VPS13A: variants seen among roughly 807,000 people sequenced by gnomAD.
VPS13A encodes intermembrane lipid transfer protein VPS13A.
A neutral mutation model predicts 390.9 loss-of-function variants in VPS13A; 264 were observed. That is an observed-to-expected ratio of 0.68 (90% CI 0.61 to 0.75). The LOEUF is 0.75. VPS13A is among the 30% of genes least tolerant of loss of function. The pLI is 0.00. For synonymous variants in VPS13A, 1,231 were observed against 1,227.1 expected (o/e 1.00, Z -0.07); for missense variants, 3,409 against 3,733.9 (o/e 0.91, Z 2.27).
At chr9:77,326,977 A>G (rs956688521) in intron 45 of VPS13A, among the ~76,000 whole-genome samples, 4 of 152,116 alleles carry the variant, frequency 2.6e-5, no homozygotes, top group Non-Finnish European at 5.9e-5. Flanking sequence ...CTCAAGTACA[A>G]CATGCTGTGA....
intron 46 of VPS13A, among the ~76,000 whole-genome samples, chr9:77,333,011 C>T (rs1827341079): frequency 2.0e-5 from 3 of 152,118 alleles, no homozygotes; most frequent in Non-Finnish European, 4.4e-5. Context: ...TTAGTTCAGA[C>T]TTGCTGAGGG....
chr9:77,212,973 C>T lies in VPS13A; in HGVS notation c.560C>T (p.Thr187Ile). 1 of 1,613,810 alleles carries T rather than the reference C, an allele frequency of 6.2e-7. No individual in the cohort carries two copies. Among genetic ancestry groups the T allele is most frequent in the Non-Finnish European group, 8.5e-7 (1 of 1,179,908 alleles). Reference sequence around the variant, plus strand: ...ATTGTTTTTTTTCCTTTTCAGACAACTGATCAATACTGGGTTCCATGTTTA... The same window carrying T: ...ATTGTTTTTTTTCCTTTTCAGACAATTGATCAATACTGGGTTCCATGTTTA... ...ISLQNLSMQT[T>I]DQYWVPCLHD... is the part of the protein sequence containing the mutation. Residue 187 changes from threonine to isoleucine, a missense_variant, in exon 8 of 72, where the codon ACT becomes ATT. Around this residue, in one of 5 missense-constraint regions of VPS13A, gnomAD observed 2,717 missense variants for 2,917.4 expected, o/e 0.93. Coordinates refer to ENST00000360280, the MANE Select transcript of VPS13A (RefSeq NM_033305.3).
intron 50 of VPS13A, 94 bp downstream of exon 50, chr9:77,340,644 C>A: frequency 6.8e-7 from 1 of 1,473,344 alleles, no homozygotes. Context: ...TTTAACTCTC[C>A]CCTTACTCCA....
chr9:77,280,917 G>A (rs1034174592), intron 27 of VPS13A, among the ~76,000 whole-genome samples: 1 of 152,076 alleles, frequency 6.6e-6, no homozygotes, highest in East Asian at 1.9e-4. Context: ...AAGAAAATGT[G>A]GTATATATAC....
intron 1 of VPS13A, among the ~76,000 whole-genome samples, chr9:77,190,899 C>T (rs553588417): frequency 1.8e-4 from 28 of 152,078 alleles, no homozygotes; most frequent in African/African-American, 6.3e-4. Context: ...TTTTGTATTT[C>T]TCTGGGTCGG....
At chr9:77,186,792 A>G (rs574864785) in intron 1 of VPS13A, among the ~76,000 whole-genome samples, 14 of 152,244 alleles carry the variant, frequency 9.2e-5, no homozygotes, top group East Asian at 1.9e-4. Context: ...ACATTGTGCA[A>G]CCATCACCAC....
chr9:77,286,120 T>C (rs1310082056), intron 31 of VPS13A, among the ~76,000 whole-genome samples: 1 of 152,234 alleles, frequency 6.6e-6, no homozygotes, highest in Non-Finnish European at 1.5e-5. Context: ...TGTCTTTTTT[T>C]TCTTTTCTGT....
At chr9:77,306,503 G>T (rs1037955946) in intron 34 of VPS13A, among the ~76,000 whole-genome samples, 2 of 150,978 alleles carry the variant, frequency 1.3e-5, no homozygotes, top group African/African-American at 4.9e-5. Flanking sequence ...ACATGATTGC[G>T]GATGCCACCA....
At chr9:77,377,402 G>A (rs1165970399) in intron 67 of VPS13A, among the ~76,000 whole-genome samples, 2 of 151,676 alleles carry the variant, frequency 1.3e-5, no homozygotes, top group Admixed American at 1.3e-4. Context: ...TGTATTTTTA[G>A]TAGAGACGGG....
At chr9:77,337,870 A>G (rs560952410) in intron 47 of VPS13A, 48 of 189,100 alleles carry the variant, frequency 2.5e-4, no homozygotes, top group Non-Finnish European at 4.7e-4. Context: ...ATACATCTTA[A>G]GATTTTATGT....
Position 77,295,777 on chromosome 9 carries a change from A to G in VPS13A, c.3743A>G (p.Glu1248Gly), listed in dbSNP as rs1017689698. The change falls in exon 33 of 72, where the codon GAG (glutamate) becomes GGG (glycine). Residue 1248 changes from glutamate (E) to glycine (G), a missense_variant. Coordinates refer to ENST00000360280, the MANE Select transcript of VPS13A (RefSeq NM_033305.3). ...TMTNTFHMIT[E>G]SQSSPPPVID... The stretch of plus-strand genomic sequence containing the variant: ...ACAAATACCTTTCATATGATAACAG[A>G]GAGCCAGAGCTCTCCCCCACCTGTT... 2 of 1,613,938 alleles carry G rather than the reference A, an allele frequency of 1.2e-6. No homozygotes were observed. Among genetic ancestry groups the G allele is most frequent in the African/African-American group, 2.7e-5 (2 of 74,936 alleles).
At chr9:77,294,331 T>G (rs1827852324) in intron 32 of VPS13A, among the ~76,000 whole-genome samples, 1 of 152,194 alleles carries the variant, frequency 6.6e-6, no homozygotes, top group Non-Finnish European at 1.5e-5. Flanking sequence ...TTTCGGCTTT[T>G]CTTGTTTCAT....
intron 23 of VPS13A, among the ~76,000 whole-genome samples, chr9:77,267,001 T>G (rs1437338918): frequency 6.6e-6 from 1 of 152,100 alleles, no homozygotes; most frequent in Non-Finnish European, 1.5e-5. Flanking sequence ...TGCTGTGTTT[T>G]CCCACTCCAT....
chr9:77,194,388 C>T (rs929153753), intron 1 of VPS13A, among the ~76,000 whole-genome samples: 23 of 152,004 alleles, frequency 1.5e-4, no homozygotes, highest in African/African-American at 5.3e-4. Flanking sequence ...TCTGACAAGC[C>T]CTGTGCCATG....
At chr9:77,326,741 C>T (rs1830035561) in intron 45 of VPS13A, among the ~76,000 whole-genome samples, 1 of 151,986 alleles carries the variant, frequency 6.6e-6, no homozygotes, top group Non-Finnish European at 1.5e-5. Context: ...GTAATTTTTT[C>T]ATTCCTTTAA....
chr9:77,271,252 A>C (rs941980480), intron 23 of VPS13A, among the ~76,000 whole-genome samples: 1 of 152,202 alleles, frequency 6.6e-6, no homozygotes, highest in Admixed American at 6.5e-5. Flanking sequence ...GCCACATAGA[A>C]ATACTACTAC....
chr9:77,239,992 A>G (rs1824375567), intron 19 of VPS13A, among the ~76,000 whole-genome samples: 1 of 129,148 alleles, frequency 7.7e-6, no homozygotes, highest in African/African-American at 2.8e-5. Context: ...ATCCCCATAT[A>G]CTATTTTTTT....
At chr9:77,408,496 C>T (rs1179459803) in intron 71 of VPS13A, among the ~76,000 whole-genome samples, 2 of 152,214 alleles carry the variant, frequency 1.3e-5, no homozygotes, top group African/African-American at 4.8e-5. Flanking sequence ...GGCGAGGCAT[C>T]ACCTCACCCA....
chr9:77,363,399 T>A (rs1258021623), intron 59 of VPS13A, among the ~76,000 whole-genome samples: 5 of 92,686 alleles, frequency 5.4e-5, no homozygotes, highest in Admixed American at 1.1e-4. Flanking sequence ...AATTTTTTTT[T>A]TTTTATTTTT....
Sources: allele counts gnomAD v4.1 joint callset (sites outside exome capture counted in the v4.1 genomes callset), GRCh38; gene constraint gnomAD v4.1.1; regional missense constraint gnomAD v4.1.1; transcripts MANE v1.5; gene names NCBI Gene and HGNC (gene_info 2026-07-23, HGNC 2026-07-21).